FRMD3: variants seen among roughly 807,000 people sequenced by gnomAD.
FRMD3 encodes the protein FERM domain-containing protein 3.
Under a neutral mutation model 70.2 loss-of-function variants are expected in FRMD3, and 33 were observed. The observed-to-expected ratio is 0.47, with a 90% confidence interval of 0.36 to 0.63. The LOEUF (loss-of-function observed/expected upper bound fraction) is 0.63, where lower values mean the gene tolerates loss of function less well. Among genes scored for constraint, FRMD3 ranks in the 20% least tolerant of loss-of-function variants. FRMD3 has a pLI of 0.00. For synonymous variants in FRMD3, 279 were observed against 255.9 expected, an observed-to-expected ratio of 1.09 and a Z score of -0.86; for missense variants, 632 against 711.4, an observed-to-expected ratio of 0.89 and a Z score of 1.27.
intron 1 of FRMD3, among the ~76,000 whole-genome samples, chr9:83,473,621 CA>C (rs1828323383): frequency 6.6e-6 from 1 of 151,946 alleles, no homozygotes; most frequent in Non-Finnish European, 1.5e-5. Context: ...ATCTTAGAAA[CA>C]GAAAGTACAT....
intron 5 of FRMD3, among the ~76,000 whole-genome samples, chr9:83,337,773 CA>C (rs1823627817): frequency 6.6e-6 from 1 of 152,176 alleles, no homozygotes; most frequent in Non-Finnish European, 1.5e-5. Context: ...AGGAGGAAAT[CA>C]AAGCTCTTTA....
intron 12 of FRMD3, among the ~76,000 whole-genome samples, chr9:83,294,094 G>C (rs11140008): frequency 0.044 from 6,712 of 152,288 alleles, 358 homozygotes; most frequent in East Asian, 0.27. Context: ...AAACTCCAAT[G>C]TAATGGTATT....
intron 3 of FRMD3, among the ~76,000 whole-genome samples, chr9:83,356,282 T>TA (rs1177148721): frequency 2.8e-5 from 4 of 144,324 alleles, no homozygotes; most frequent in African/African-American, 7.9e-5. Context: ...TTTTTTTTTT[T>TA]TTTTTTTTTT....
At chr9:83,476,901 A>G (rs969877711) in intron 1 of FRMD3, among the ~76,000 whole-genome samples, 2 of 152,188 alleles carry the variant, frequency 1.3e-5, no homozygotes, top group African/African-American at 4.8e-5. Context: ...GTGAAATAAT[A>G]GGTTCATTGC....
intron 2 of FRMD3, among the ~76,000 whole-genome samples, chr9:83,376,097 T>C (rs11140061): frequency 0.44 from 65,389 of 149,998 alleles, 14,481 homozygotes; most frequent in Admixed American, 0.5. Context: ...GAGGCAAAGG[T>C]TGCAGTGAGC....
At chr9:83,349,562 C>A in intron 4 of FRMD3, 117 bp downstream of exon 4, 1 of 631,828 alleles carries the variant, frequency 1.6e-6, no homozygotes, top group Non-Finnish European at 2.7e-6. Flanking sequence ...CGCTGAATTC[C>A]AAGCTTGCAA....
At chr9:83,529,312 T>C (rs1455526655) in intron 1 of FRMD3, among the ~76,000 whole-genome samples, 1 of 152,152 alleles carries the variant, frequency 6.6e-6, no homozygotes, top group Non-Finnish European at 1.5e-5. Flanking sequence ...CCTCACACCA[T>C]ACACAAAAAT....
the FRMD3 span, among the ~76,000 whole-genome samples, chr9:83,582,051 T>G: frequency 6.6e-6 from 1 of 152,214 alleles, no homozygotes; most frequent in Non-Finnish European, 1.5e-5. Flanking sequence ...CTCAAAAGGT[T>G]GTCATAAGTA....
intron 1 of FRMD3, among the ~76,000 whole-genome samples, chr9:83,495,053 TCTC>T (rs58002988): frequency 0.51 from 77,535 of 151,696 alleles, 20,405 homozygotes; most frequent in African/African-American, 0.57. Context: ...ACTTAACCAT[TCTC>T]CTACTGTTTC....
the FRMD3 span, among the ~76,000 whole-genome samples, chr9:83,568,895 G>C: frequency 6.6e-6 from 1 of 151,030 alleles, no homozygotes; most frequent in Non-Finnish European, 1.5e-5. Context: ...CCATAAATGT[G>C]AATAACTACA....
intron 1 of FRMD3, among the ~76,000 whole-genome samples, chr9:83,455,562 A>G (rs1186535136): frequency 6.6e-6 from 1 of 152,190 alleles, no homozygotes; most frequent in Non-Finnish European, 1.5e-5. Context: ...CTCCCCAGCC[A>G]TGTGGAACTA....
chr9:83,508,818 T>A (rs1829265662), intron 1 of FRMD3, among the ~76,000 whole-genome samples: 1 of 152,234 alleles, frequency 6.6e-6, no homozygotes, highest in Non-Finnish European at 1.5e-5. Flanking sequence ...TGTTCCTTTG[T>A]GCACTGTCTA....
chr9:83,502,307 A>G (rs528050137), intron 1 of FRMD3, among the ~76,000 whole-genome samples: 1 of 152,324 alleles, frequency 6.6e-6, no homozygotes, highest in South Asian at 2.1e-4. Context: ...TGGAGGGTAC[A>G]TTCTAAAGGC....
Position 83,245,959 on chromosome 9 carries a change from T to C in FRMD3, c.*1959A>G. ...TTTCAGGTAATAAACAAACAATCTT[T>C]ATTTAAAAAGCAAAATAAATCACTG... On this transcript the variant is annotated 3_prime_UTR_variant, in exon 14 of 14. Coordinates refer to ENST00000304195, the MANE Select transcript of FRMD3 (RefSeq NM_174938.6). The C allele has an allele frequency of 2.0e-6, 2 of 983,754 alleles. No individual in the cohort carries two copies. Among genetic ancestry groups the C allele is most frequent in the South Asian group, 9.4e-5 (2 of 21,258 alleles). The allele number at this position is 983,754 out of a possible 1,614,324, so 60.9% of individuals were successfully genotyped here.
chr9:83,327,953 A>T (rs1427068726), intron 6 of FRMD3, among the ~76,000 whole-genome samples: 1 of 152,160 alleles, frequency 6.6e-6, no homozygotes. Flanking sequence ...AGCCATCTTT[A>T]TGCAGAGCAT....
chr9:83,488,972 T>TTG (rs4014025), intron 1 of FRMD3, among the ~76,000 whole-genome samples: 7,534 of 135,456 alleles, frequency 0.056, 253 homozygotes, highest in African/African-American at 0.11. Context: ...CCCTATACCT[T>TTG]TGTGTGTGTG....
chr9:83,474,190 G>T (rs7032181), intron 1 of FRMD3, among the ~76,000 whole-genome samples: 1 of 152,014 alleles, frequency 6.6e-6, no homozygotes, highest in Non-Finnish European at 1.5e-5. Context: ...ACAGAGTATA[G>T]CAAAAACATC....
At chr9:83,389,555 A>G (rs753220199) in intron 2 of FRMD3, 49 bp downstream of exon 2, 1 of 1,224,734 alleles carries the variant, frequency 8.2e-7, no homozygotes, top group East Asian at 2.3e-5. Context: ...AGTGCACCAC[A>G]GTCTGGGTCA....
At chr9:83,360,330 T>C (rs947076963) in intron 3 of FRMD3, among the ~76,000 whole-genome samples, 1 of 152,202 alleles carries the variant, frequency 6.6e-6, no homozygotes, top group Non-Finnish European at 1.5e-5. Flanking sequence ...TGAGATTTGA[T>C]ACTATAAAGT....
Sources: allele counts gnomAD v4.1 joint callset (sites outside exome capture counted in the v4.1 genomes callset), GRCh38; gene constraint gnomAD v4.1.1; transcripts MANE v1.5; gene names NCBI Gene and HGNC (gene_info 2026-07-23, HGNC 2026-07-21).